PRIMPOL: variants seen among roughly 807,000 people sequenced by gnomAD.
PRIMPOL encodes the protein primase and DNA directed polymerase.
Under a neutral mutation model 63.6 loss-of-function variants are expected in PRIMPOL, and 54 were observed. The ratio of observed to expected loss-of-function variants is 0.85; its 90% CI spans 0.68 to 1.07. The LOEUF (loss-of-function observed/expected upper bound fraction) is 1.07, where lower values mean the gene tolerates loss of function less well. PRIMPOL is among the 50% of genes least tolerant of loss of function. The pLI is 0.00. For synonymous variants in PRIMPOL, 197 were observed against 220.2 expected (o/e 0.89, Z 0.93); for missense variants, 610 against 648.3 (o/e 0.94, Z 0.64).
At chr4:184,663,666 G>T (rs1749026526) in intron 5 of PRIMPOL, among the ~76,000 whole-genome samples, 1 of 152,172 alleles carries the variant, frequency 6.6e-6, no homozygotes, top group Admixed American at 6.5e-5. Flanking sequence ...CTAATCTTCT[G>T]CATCAGCAAA....
In PRIMPOL at chr4:184,682,447, C is replaced by T. The variant is rs1227127624; in HGVS notation, c.1096+111C>T. On this transcript the variant is annotated intron_variant, in intron 9 of 13. Transcript: ENST00000314970. ...CACTGCAGCCTCCTCCTCCCAGGCT[C>T]AAGCCATCTCCTGCCTCAGCCTCCG... The T allele has an allele frequency of 6.9e-6, 4 of 580,842 alleles. No individual in the cohort carries two copies. In the Admixed American group the frequency reaches 8.1e-5, roughly 12 times the overall value. 36.0% of individuals were successfully genotyped at this position (580,842 alleles called of 1,614,324 possible). A position where few individuals can be genotyped will look rare whatever the true frequency, so the allele number is the denominator to read the frequency against.
chr4:184,686,196 A>G (rs1756939236), intron 11 of PRIMPOL, among the ~76,000 whole-genome samples: 1 of 152,210 alleles, frequency 6.6e-6, no homozygotes. Flanking sequence ...TGTCAGCTTT[A>G]TGTGTACTTT....
At chr4:184,670,565 T>TTTTTTTG (rs1209970276) in intron 6 of PRIMPOL, among the ~76,000 whole-genome samples, 1 of 149,816 alleles carries the variant, frequency 6.7e-6, no homozygotes, top group African/African-American at 2.5e-5. Context: ...TTTTTTTTTG[T>TTTTTTTG]GAGACAAGAG....
intron 4 of PRIMPOL, 49 bp downstream of exon 4, chr4:184,659,486 T>C (rs1747652976): frequency 2.2e-6 from 3 of 1,361,850 alleles, no homozygotes; most frequent in Middle Eastern, 1.8e-4. Flanking sequence ...TTCCATTTCC[T>C]TTGCCTAGGA....
chr4:184,661,950 T>C, intron 5 of PRIMPOL, 47 bp downstream of exon 5: 2 of 1,541,014 alleles, frequency 1.3e-6, no homozygotes, highest in Non-Finnish European at 1.8e-6. Flanking sequence ...ATCTCTTCAT[T>C]GGCTTATTCA....
intron 3 of PRIMPOL, among the ~76,000 whole-genome samples, chr4:184,658,038 C>A (rs6815177): frequency 0.022 from 2,190 of 101,048 alleles, 59 homozygotes; most frequent in African/African-American, 0.075. Context: ...AAATAAATAT[C>A]ACTAAATCAA....
intron 13 of PRIMPOL, 57 bp from the exon 14 acceptor site, chr4:184,694,465 T>C: frequency 6.4e-7 from 1 of 1,569,922 alleles, no homozygotes; most frequent in East Asian, 2.3e-5. Context: ...TTAAATCACA[T>C]ATCCTGAGTA....
At chr4:184,688,539 C>T (rs1469706499) in intron 11 of PRIMPOL, among the ~76,000 whole-genome samples, 1 of 152,122 alleles carries the variant, frequency 6.6e-6, no homozygotes, top group Non-Finnish European at 1.5e-5. Flanking sequence ...AGAGTGAGGC[C>T]CGGGGCATCT....
chr4:184,692,550 C>G (rs180831219), intron 13 of PRIMPOL, among the ~76,000 whole-genome samples: 33 of 150,862 alleles, frequency 2.2e-4, no homozygotes, highest in Admixed American at 8.6e-4. Context: ...AAGAATCTTC[C>G]TTACTCATTT....
At chr4:184,666,700 C>A (rs1274559736) in intron 6 of PRIMPOL, among the ~76,000 whole-genome samples, 2 of 152,218 alleles carry the variant, frequency 1.3e-5, no homozygotes, top group African/African-American at 4.8e-5. Context: ...TATCTGCAAT[C>A]TCATTTCTGG....
chr4:184,659,093 TTTTTCTC>T (rs1176363255), intron 3 of PRIMPOL, among the ~76,000 whole-genome samples: 1 of 152,152 alleles, frequency 6.6e-6, no homozygotes. Context: ...TTTCTCTCCT[TTTTTCTC>T]TTTGGTCTGC....
At chr4:184,660,480 C>T (rs1231450761) in intron 4 of PRIMPOL, among the ~76,000 whole-genome samples, 1 of 152,156 alleles carries the variant, frequency 6.6e-6, no homozygotes, top group African/African-American at 2.4e-5. Context: ...CGCACCCAGC[C>T]GTATTCAAGT....
intron 11 of PRIMPOL, 25 bp from the exon 12 acceptor site, chr4:184,691,472 ACT>A: frequency 8.3e-7 from 1 of 1,207,358 alleles, no homozygotes; most frequent in Non-Finnish European, 1.2e-6. Flanking sequence ...TGGTATTAAT[ACT>A]TTTTTTTTTT....
intron 7 of PRIMPOL, 50 bp from the exon 8 acceptor site, chr4:184,678,182 C>CTTATT: frequency 8.0e-7 from 1 of 1,246,908 alleles, no homozygotes. Flanking sequence ...GACTATGAAA[C>CTTATT]TAATAACAGA....
intron 1 of PRIMPOL, among the ~76,000 whole-genome samples, chr4:184,650,775 C>T (rs1215370124): frequency 6.6e-6 from 1 of 152,100 alleles, no homozygotes; most frequent in East Asian, 1.9e-4. Flanking sequence ...ATTCAGGGAC[C>T]CCATGGCAGA....
intron 13 of PRIMPOL, chr4:184,694,178 G>GAT: frequency 9.8e-7 from 1 of 1,024,696 alleles, no homozygotes; most frequent in African/African-American, 1.7e-5. Flanking sequence ...CCATTGTCAA[G>GAT]ATAGCAAATT....
At chr4:184,686,938 CT>C (rs1397848928) in intron 11 of PRIMPOL, among the ~76,000 whole-genome samples, 1 of 152,174 alleles carries the variant, frequency 6.6e-6, no homozygotes, top group African/African-American at 2.4e-5. Context: ...TTCTTCTGTT[CT>C]TTTTTCTATG....
At chr4:184,659,199 C>G in intron 3 of PRIMPOL, 141 bp from the exon 4 acceptor site, 3 of 640,640 alleles carry the variant, frequency 4.7e-6, no homozygotes, top group Non-Finnish European at 8.2e-6. Flanking sequence ...GACTATTTGT[C>G]TTGTTTTTAA....
At chr4:184,692,648 A>G (rs1440419069) in intron 13 of PRIMPOL, among the ~76,000 whole-genome samples, 1 of 152,040 alleles carries the variant, frequency 6.6e-6, no homozygotes, top group Admixed American at 6.6e-5. Flanking sequence ...GATAGCACAC[A>G]TACTATTTCA....
Sources: allele counts gnomAD v4.1 joint callset (sites outside exome capture counted in the v4.1 genomes callset), GRCh38; gene constraint gnomAD v4.1.1; transcripts MANE v1.5; gene names NCBI Gene and HGNC (gene_info 2026-07-23, HGNC 2026-07-21).